Variants in KIAA0825 observed in about 807,000 individuals in gnomAD.
KIAA0825 encodes KIAA0825, also known as uncharacterized protein KIAA0825.
Under a neutral mutation model 147.6 loss-of-function variants are expected in KIAA0825, and 119 were observed. The observed-to-expected ratio is 0.81, with a 90% CI of 0.69 to 0.94. The LOEUF (loss-of-function observed/expected upper bound fraction) is 0.94, where lower values mean the gene tolerates loss of function less well. KIAA0825 is among the 40% of genes least tolerant of loss of function. The pLI, the probability that KIAA0825 is intolerant of heterozygous loss-of-function variation, is 0.00. For synonymous variants in KIAA0825, 470 were observed against 518.1 expected (o/e 0.91, Z 1.26); for missense variants, 1,381 against 1,472.7 (o/e 0.94, Z 1.02).
intron 2 of KIAA0825, among the ~76,000 whole-genome samples, chr5:94,561,473 C>T (rs372436323): frequency 2.0e-5 from 3 of 152,192 alleles, no homozygotes; most frequent in African/African-American, 7.2e-5. Flanking sequence ...AACCCACCTG[C>T]AGCTGGCACG....
intron 20 of KIAA0825, among the ~76,000 whole-genome samples, chr5:94,298,114 G>T (rs1018613972): frequency 2.6e-5 from 4 of 151,622 alleles, no homozygotes; most frequent in African/African-American, 9.7e-5. Context: ...AGGTGTGGTG[G>T]TGGGCACCTG....
At chr5:94,408,345 TTTTA>T (rs2150659597) in intron 15 of KIAA0825, among the ~76,000 whole-genome samples, 1 of 152,230 alleles carries the variant, frequency 6.6e-6, no homozygotes, top group African/African-American at 2.4e-5. Context: ...TTTTATTTTA[TTTTA>T]TTTATTTACT....
chr5:94,215,309 C>T (rs1333028137), intron 20 of KIAA0825, among the ~76,000 whole-genome samples: 1 of 152,088 alleles, frequency 6.6e-6, no homozygotes, highest in Non-Finnish European at 1.5e-5. Flanking sequence ...CAGAAATGTC[C>T]ATCTGGCAGG....
intron 14 of KIAA0825, among the ~76,000 whole-genome samples, chr5:94,431,426 G>T (rs925897151): frequency 6.6e-6 from 1 of 152,134 alleles, no homozygotes; most frequent in Admixed American, 6.5e-5. Context: ...ACCAGGCCAG[G>T]CACTGGGGAT....
At chr5:94,340,826 A>C (rs1304120866) in intron 20 of KIAA0825, among the ~76,000 whole-genome samples, 1 of 152,200 alleles carries the variant, frequency 6.6e-6, no homozygotes, top group Non-Finnish European at 1.5e-5. Flanking sequence ...AAATATAATA[A>C]AATTTTATAG....
rs139984796 is a variant in KIAA0825, at chr5:94,543,534, G to A, written c.-1-6407C>T. Reference sequence around the variant, plus strand: ...TGAGAAAATAAAATTTAAAAGTCTTGAGATTCCTTACTGATTCCTACTGAT... The same window carrying A: ...TGAGAAAATAAAATTTAAAAGTCTTAAGATTCCTTACTGATTCCTACTGAT... On this transcript the variant is annotated intron_variant, in intron 2 of 20. Transcript: ENST00000682413. Among the ~76,000 whole-genome samples the A allele has an allele frequency of 3.9e-3, 590 of 152,192 alleles. 1 individual carries two copies. Among genetic ancestry groups the A allele is most frequent in the Non-Finnish European group, 7.1e-3 (485 of 67,990 alleles).
intron 20 of KIAA0825, among the ~76,000 whole-genome samples, chr5:94,375,033 CTTTTTTT>C (rs35435550): frequency 1.6e-4 from 21 of 130,494 alleles, no homozygotes; most frequent in South Asian, 4.8e-4. Context: ...CTTTCCTTCT[CTTTTTTT>C]TTTTTTTTTT....
chr5:94,293,235 C>T (rs9763486), intron 20 of KIAA0825, among the ~76,000 whole-genome samples: 31,492 of 152,098 alleles, frequency 0.21, 3,699 homozygotes, highest in Non-Finnish European at 0.26. Context: ...CCCACTTTCT[C>T]TTCTGGGCAT....
chr5:94,462,543 C>A lies in KIAA0825; in HGVS notation c.2090G>T (p.Cys697Phe), dbSNP rs2150954974. The A allele has an allele frequency of 1.3e-6, 2 of 1,510,288 alleles. No individual in the cohort carries two copies. The highest frequency in any genetic ancestry group is 2.6e-5 in the South Asian group (2 of 76,390). 93.6% of individuals were successfully genotyped at this position (1,510,288 alleles called of 1,614,324 possible). A position where few individuals can be genotyped will look rare whatever the true frequency, so the allele number is the denominator to read the frequency against. Reference sequence around the variant, plus strand: ...AACTGACCATAACATGTTCTCAGTGCATATCAAAATTGTTGTGACATCAAG... The same window carrying A: ...AACTGACCATAACATGTTCTCAGTGAATATCAAAATTGTTGTGACATCAAG... Reference protein sequence around the residue: ...LRLDVTTILICTENMLWSVCT... With the variant: ...LRLDVTTILIFTENMLWSVCT... The change falls in exon 12 of 21, where the codon TGC becomes TTC. Residue 697 changes from cysteine (C) to phenylalanine (F), a missense_variant. Coordinates refer to ENST00000682413, the MANE Select transcript of KIAA0825 (RefSeq NM_001145678.3).
At chr5:94,217,689 T>A (rs1773321480) in intron 20 of KIAA0825, among the ~76,000 whole-genome samples, 1 of 152,194 alleles carries the variant, frequency 6.6e-6, no homozygotes, top group Admixed American at 6.5e-5. Context: ...ACTTTTGCTA[T>A]TCATGTATTT....
At chr5:94,260,545 G>A (rs926143910) in intron 20 of KIAA0825, among the ~76,000 whole-genome samples, 1 of 152,038 alleles carries the variant, frequency 6.6e-6, no homozygotes, top group Non-Finnish European at 1.5e-5. Flanking sequence ...AGTTCTGGAG[G>A]TCTCTTATTT....
chr5:94,437,562 G>A (rs1427442781), intron 14 of KIAA0825, among the ~76,000 whole-genome samples: 1 of 152,128 alleles, frequency 6.6e-6, no homozygotes, highest in Non-Finnish European at 1.5e-5. Flanking sequence ...ACAACATCAT[G>A]TTATACATAC....
intron 15 of KIAA0825, among the ~76,000 whole-genome samples, chr5:94,405,925 T>A (rs1751995721): frequency 6.6e-6 from 1 of 151,856 alleles, no homozygotes; most frequent in South Asian, 2.1e-4. Context: ...TATTTATTTA[T>A]TTTTATTTTT....
intron 6 of KIAA0825, among the ~76,000 whole-genome samples, chr5:94,481,124 A>G (rs1437928254): frequency 5.3e-5 from 8 of 152,138 alleles, no homozygotes; most frequent in Non-Finnish European, 8.8e-5. Context: ...CTTTCGGCTC[A>G]TCACTGTAAA....
chr5:94,250,859 G>A (rs1171297308), intron 20 of KIAA0825, among the ~76,000 whole-genome samples: 5 of 152,178 alleles, frequency 3.3e-5, no homozygotes, highest in Non-Finnish European at 7.4e-5. Context: ...ATAGAAGAAC[G>A]TTTGCAATTT....
At chr5:94,338,639 C>G (rs1310956778) in intron 20 of KIAA0825, among the ~76,000 whole-genome samples, 1 of 152,106 alleles carries the variant, frequency 6.6e-6, no homozygotes, top group Non-Finnish European at 1.5e-5. Flanking sequence ...TTACAATTGC[C>G]TACAGTATTC....
At chr5:94,294,062 T>C (rs1778029517) in intron 20 of KIAA0825, among the ~76,000 whole-genome samples, 3 of 152,352 alleles carry the variant, frequency 2.0e-5, no homozygotes, top group South Asian at 4.1e-4. Flanking sequence ...AACACACTGA[T>C]GGGTCTTAAC....
intron 20 of KIAA0825, among the ~76,000 whole-genome samples, chr5:94,330,908 A>G (rs908715497): frequency 2.0e-5 from 3 of 151,910 alleles, no homozygotes; most frequent in African/African-American, 7.3e-5. Context: ...GCTGAGGCAG[A>G]CAAATCACCT....
intron 16 of KIAA0825, among the ~76,000 whole-genome samples, chr5:94,401,251 T>A (rs1249897237): frequency 6.6e-6 from 1 of 151,912 alleles, no homozygotes; most frequent in Non-Finnish European, 1.5e-5. Context: ...TTCTTTTTTT[T>A]TTTTGCCAAA....
Sources: allele counts gnomAD v4.1 joint callset (sites outside exome capture counted in the v4.1 genomes callset), GRCh38; gene constraint gnomAD v4.1.1; transcripts MANE v1.5; gene names NCBI Gene and HGNC (gene_info 2026-07-23, HGNC 2026-07-21).